Variants in FMNL1 observed in about 807,000 individuals in gnomAD.
The protein encoded by FMNL1 is formin-like protein 1.
In FMNL1, 43 loss-of-function variants were observed where a neutral mutation model predicts 121.3. The ratio of observed to expected loss-of-function variants is 0.35; its 90% CI spans 0.28 to 0.46. FMNL1 has a LOEUF of 0.46. Among genes scored for constraint, FMNL1 ranks in the 20% least tolerant of loss-of-function variants. The pLI, the probability that FMNL1 is intolerant of heterozygous loss-of-function variation, is 1.00. For missense variants in FMNL1, 1,191 were observed against 1,482.4 expected (o/e 0.80, Z 3.23); for synonymous variants, 613 against 613.5 (o/e 1.00, Z 0.01).
chr17:45,240,645 C>G lies in FMNL1; in HGVS notation c.1230+20C>G. On this transcript the variant is annotated intron_variant, in intron 12 of 26. Transcript: ENST00000331495. ...GCGCTGGTGAGAGTGGGTCCTGACC[C>G]CAGCCCAGCACATCATAGGCCCACA... 2 of 1,608,540 alleles carry G rather than the reference C, an allele frequency of 1.2e-6. No individual in the cohort carries two copies. The highest frequency in any genetic ancestry group is 2.2e-5 in the South Asian group (2 of 90,484).
rs2143353055 is a variant in FMNL1 at position 45,233,114 on chromosome 17, A to T, written c.328-110A>T. 9.2e-7 allele frequency: 1 copy of T among 1,082,536 alleles called. No homozygotes were observed. The highest frequency in any genetic ancestry group is 1.4e-6 in the Non-Finnish European group (1 of 724,142). 67.1% of individuals were successfully genotyped at this position (1,082,536 alleles called of 1,614,324 possible). On this transcript the variant is annotated intron_variant, in intron 3 of 26. Transcript: ENST00000331495. This position sits in a 1 kb window ranked among gnomAD's most constrained non-coding sequence, Gnocchi z 4.1. The stretch of plus-strand genomic sequence containing the variant: ...TGGGGGAGGCTGAGCATGAAAGGCC[A>T]CTTGTGCCAGTTGGAGGAGGGTGGG...
intron 16 of FMNL1, 129 bp downstream of exon 16, chr17:45,242,594 A>ATCCC: frequency 7.2e-7 from 1 of 1,398,494 alleles, no homozygotes; most frequent in Non-Finnish European, 9.6e-7. Flanking sequence ...AGGCCCAGGG[A>ATCCC]TGGGCATTAA....
chr17:45,241,342 GC>G lies in FMNL1; in HGVS notation c.1333-38del. ...GAAGATGGAGGCTTGGTGCCAAGGA[GC>G]CTGCTGGTGGGCACTGACCCCTCCC... On this transcript the variant is annotated intron_variant, in intron 13 of 26. Transcript: ENST00000331495. The surrounding 1 kb of genome is among the most constrained non-coding windows in gnomAD (Gnocchi z 7.0). 1 of 1,585,914 alleles carries G rather than the reference GC, an allele frequency of 6.3e-7. No individual in the cohort carries two copies. The highest frequency in any genetic ancestry group is 8.6e-7 in the Non-Finnish European group (1 of 1,165,968).
Position 45,233,091 on chromosome 17 carries a change from G to A in FMNL1, c.328-133G>A. Reference sequence around the variant, plus strand: ...GCTGGGCAGGTGTGTGGAGGTGGTGGGGGAGGCTGAGCATGAAAGGCCACT... The same window carrying A: ...GCTGGGCAGGTGTGTGGAGGTGGTGAGGGAGGCTGAGCATGAAAGGCCACT... On this transcript the variant is annotated intron_variant, in intron 3 of 26. Transcript: ENST00000331495. This position sits in a 1 kb window ranked among gnomAD's most constrained non-coding sequence, Gnocchi z 4.1. The A allele has an allele frequency of 1.2e-6, 1 of 801,394 alleles. No individual in the cohort carries two copies. Among genetic ancestry groups the A allele is most frequent in the Non-Finnish European group, 2.1e-6 (1 of 472,174 alleles). 49.6% of individuals were successfully genotyped at this position (801,394 alleles called of 1,614,324 possible). A position where few individuals can be genotyped will look rare whatever the true frequency, so the allele number is the denominator to read the frequency against.
At chr17:45,227,389 G>C (rs2043351045) in intron 1 of FMNL1, among the ~76,000 whole-genome samples, 1 of 152,134 alleles carries the variant, frequency 6.6e-6, no homozygotes, top group African/African-American at 2.4e-5. Flanking sequence ...GCTGGTCTTA[G>C]GTGAGCAGAT....
chr17:45,229,419 A>G (rs1028532498), intron 1 of FMNL1, among the ~76,000 whole-genome samples: 3 of 152,126 alleles, frequency 2.0e-5, no homozygotes, highest in African/African-American at 7.2e-5. Context: ...TGGCCCTCTG[A>G]CTGCTCCAGC....
rs373230737 is a variant in FMNL1 at position 45,232,484 on chromosome 17, C to T, written c.327+4C>T. 2.5e-6 allele frequency: 4 copies of T among 1,613,046 alleles called. No individual in the cohort carries two copies. The African/African-American group carries it at 4.0e-5, about 16-fold the overall frequency. The stretch of plus-strand genomic sequence containing the variant: ...TGATTGGATGTCCAACCTGGGGGTA[C>T]ATGTCTCCCCTCTTTACTCTGTCCC... On this transcript the variant is annotated splice_donor_region_variant and intron_variant, in intron 3 of 26. Coordinates refer to ENST00000331495, the MANE Select transcript of FMNL1 (RefSeq NM_005892.4).
At position 45,237,074 on chromosome 17, in the gene FMNL1, C is replaced by T. The variant is rs1048621258; in HGVS notation, c.724-207C>T. ...CAGAGACTGCGGTGAGCTGAGATGG[C>T]GCCACTGCGCTCCAGCCTGGGTGAC... On this transcript the variant is annotated intron_variant, in intron 7 of 26. Transcript: ENST00000331495. This position sits in a 1 kb window ranked among gnomAD's most constrained non-coding sequence, Gnocchi z 4.4. 5.9e-5 allele frequency among the ~76,000 whole-genome samples: 9 copies of T among 152,108 alleles called. No individual in the cohort carries two copies. The highest frequency in any genetic ancestry group is 1.9e-4 in the East Asian group (1 of 5,194).
chr17:45,233,741 C>T lies in FMNL1; in HGVS notation c.485+10C>T, dbSNP rs2043489552. On this transcript the variant is annotated intron_variant, in intron 5 of 26. Coordinates refer to ENST00000331495, the MANE Select transcript of FMNL1 (RefSeq NM_005892.4). This position sits in a 1 kb window ranked among gnomAD's most constrained non-coding sequence, Gnocchi z 4.1. ...CCCAGTGCTCTGTCACGTAAGCCCC[C>T]TGCTCCCAGCCCTCATGCCGCTCCT... 6.2e-7 allele frequency: 1 copy of T among 1,613,786 alleles called. No individual in the cohort carries two copies. The highest frequency in any genetic ancestry group is 1.1e-5 in the South Asian group (1 of 91,082).
rs2043472509 is a variant in FMNL1 at position 45,233,038 on chromosome 17, G to A, written c.328-186G>A. On this transcript the variant is annotated intron_variant, in intron 3 of 26. Transcript: ENST00000331495. The surrounding 1 kb of genome is among the most constrained non-coding windows in gnomAD (Gnocchi z 4.1). ...ACCCTGCTTGTCTATGTATGGGGGA[G>A]CACATGTAGCCTGTGAGTTCTTATT... 2.9e-6 allele frequency: 2 copies of A among 687,314 alleles called. No individual in the cohort carries two copies. Among genetic ancestry groups the A allele is most frequent in the Admixed American group, 2.0e-5 (1 of 49,160 alleles). 42.6% of individuals were successfully genotyped at this position (687,314 alleles called of 1,614,324 possible). A position where few individuals can be genotyped will look rare whatever the true frequency, so the allele number is the denominator to read the frequency against.
chr17:45,229,220 G>A (rs1378699958), intron 1 of FMNL1, among the ~76,000 whole-genome samples: 2 of 152,228 alleles, frequency 1.3e-5, no homozygotes, highest in Non-Finnish European at 1.5e-5. Flanking sequence ...GGGGCCTGGC[G>A]GAGGGGCAGT....
chr17:45,233,249 C>T lies in FMNL1; in HGVS notation c.353C>T (p.Thr118Met), dbSNP rs762893518. The part of the protein sequence containing the change: ...LGFKRRVQES[T>M]QVLRELETSL... ...TTTAAGAGGCGAGTTCAGGAGTCCA[C>T]GCAGGTGCTACGGGAGCTGGAGACC... The change falls in exon 4 of 27, where the codon ACG becomes ATG. Residue 118 changes from threonine (T) to methionine (M), a missense_variant. Thr to Met is a moderately conservative substitution (Grantham distance 81). This residue lies in a region of FMNL1 where 253 missense variants were observed against 417.5 expected (regional missense o/e 0.61). Transcript: ENST00000331495. This position sits in a 1 kb window ranked among gnomAD's most constrained non-coding sequence, Gnocchi z 4.1. 4 of 1,561,006 alleles carry T rather than the reference C, an allele frequency of 2.6e-6. No homozygotes were observed. The highest frequency in any genetic ancestry group is 3.5e-6 in the Non-Finnish European group (4 of 1,152,732).
chr17:45,239,636 A>G (rs2043635535), intron 11 of FMNL1, among the ~76,000 whole-genome samples: 1 of 152,128 alleles, frequency 6.6e-6, no homozygotes, highest in Non-Finnish European at 1.5e-5. Flanking sequence ...GAAAGCCAGG[A>G]TTAACAAAAG....
Position 45,241,454 on chromosome 17 carries a change from G to T in FMNL1, c.1405G>T (p.Ala469Ser). 1.3e-6 allele frequency: 2 copies of T among 1,567,490 alleles called. No homozygotes were observed. Among genetic ancestry groups the T allele is most frequent in the Non-Finnish European group, 8.6e-7 (1 of 1,156,878 alleles). The change falls in exon 14 of 27, where the codon GCC becomes TCC. Residue 469 changes from alanine to serine, a missense_variant. Coordinates refer to ENST00000331495, the MANE Select transcript of FMNL1 (RefSeq NM_005892.4). The surrounding 1 kb of genome is among the most constrained non-coding windows in gnomAD (Gnocchi z 7.0). ...PPEPEKAPPAAPTRPSALELK... is the reference protein window; with the variant it reads ...PPEPEKAPPASPTRPSALELK... ...AGAGCCTGAGAAAGCGCCTCCCGCT[G>T]CCCCGACGCGGCCCTCGGCCCTGGA...
At chr17:45,238,737 G>T in intron 10 of FMNL1, 99 bp downstream of exon 10, 1 of 1,458,854 alleles carries the variant, frequency 6.9e-7, no homozygotes, top group Non-Finnish European at 9.5e-7. Context: ...CTCTGCCCCC[G>T]CAAAGCGTAA....
rs1598205205 is a variant in FMNL1 at position 45,241,310 on chromosome 17, C to A, written c.1333-72C>A. 1.2e-6 allele frequency: 2 copies of A among 1,603,042 alleles called. No individual in the cohort carries two copies. The highest frequency in any genetic ancestry group is 4.5e-5 in the East Asian group (2 of 44,176). On this transcript the variant is annotated intron_variant, in intron 13 of 26. Coordinates refer to ENST00000331495, the MANE Select transcript of FMNL1 (RefSeq NM_005892.4). This position sits in a 1 kb window ranked among gnomAD's most constrained non-coding sequence, Gnocchi z 7.0. ...TCTAGGCTTGACATCTCCCTCCACCCCGGGAAGAAGATGGAGGCTTGGTGC... is the reference window on the plus strand; with the variant it reads ...TCTAGGCTTGACATCTCCCTCCACCACGGGAAGAAGATGGAGGCTTGGTGC...
rs758587229 is a variant in FMNL1, at chr17:45,233,137, G to A, written c.328-87G>A. On this transcript the variant is annotated intron_variant, in intron 3 of 26. Transcript: ENST00000331495. The surrounding 1 kb of genome is among the most constrained non-coding windows in gnomAD (Gnocchi z 4.1). ...CCACTTGTGCCAGTTGGAGGAGGGT[G>A]GGCGCTGCTGCCTGCTGCCTCAGGA... The A allele has an allele frequency of 2.8e-5, 38 of 1,342,460 alleles. No homozygotes were observed. The highest frequency in any genetic ancestry group is 3.7e-5 in the Non-Finnish European group (35 of 958,488). The allele number at this position is 1,342,460 out of a possible 1,614,324, so 83.2% of individuals were successfully genotyped here.
intron 19 of FMNL1, 29 bp from the exon 20 acceptor site, chr17:45,244,790 C>T (rs1240363797): frequency 1.9e-6 from 3 of 1,596,416 alleles, no homozygotes; most frequent in Non-Finnish European, 2.6e-6. Context: ...CTCTGGCATT[C>T]TGCTGAGCCT....
In FMNL1 at chr17:45,241,703, G is replaced by T; in HGVS notation, c.1585+69G>T. On this transcript the variant is annotated intron_variant, in intron 14 of 26. Coordinates refer to ENST00000331495, the MANE Select transcript of FMNL1 (RefSeq NM_005892.4). The surrounding 1 kb of genome is among the most constrained non-coding windows in gnomAD (Gnocchi z 7.0). Reference sequence around the variant, plus strand: ...GGAGGGGAGCCCAGGGGCATCTGTGGCGGGCAGAGTTGGGCGAGGGAGGTT... The same window carrying T: ...GGAGGGGAGCCCAGGGGCATCTGTGTCGGGCAGAGTTGGGCGAGGGAGGTT... 6.9e-7 allele frequency: 1 copy of T among 1,443,250 alleles called. No homozygotes were observed. Among genetic ancestry groups the T allele is most frequent in the Non-Finnish European group, 9.1e-7 (1 of 1,102,660 alleles). The allele number at this position is 1,443,250 out of a possible 1,614,324, so 89.4% of individuals were successfully genotyped here.
Sources: gnomAD v4.1 joint callset for allele counts (sites outside exome capture counted in the v4.1 genomes callset) on GRCh38, gnomAD v4.1.1 for gene constraint, gnomAD v4.1.1 regional missense constraint, Gnocchi (gnomAD v3.1) non-coding constraint, MANE v1.5 for transcripts, NCBI Gene and HGNC (gene_info 2026-07-23, HGNC 2026-07-21) for gene names.